Variants in DMD observed in about 807,000 individuals in gnomAD.
The protein encoded by DMD is dystrophin.
A neutral mutation model predicts 330.1 loss-of-function variants in DMD; 63 were observed. That is an observed-to-expected ratio of 0.19 (90% CI 0.16 to 0.24). DMD has a LOEUF of 0.24. Ranked by LOEUF, DMD falls within the 10% of genes least tolerant of loss-of-function variation. The pLI is 1.00. For synonymous variants in DMD, 1,223 were observed against 959.8 expected (o/e 1.27, Z -5.07); for missense variants, 3,344 against 2,684.1 (o/e 1.25, Z -5.43).
At chrX:32,982,543 C>T (rs1213359490) in intron 2 of DMD, among the ~76,000 whole-genome samples, 1 of 111,636 alleles carries the variant, frequency 9.0e-6, no homozygotes, top group East Asian at 2.8e-4. Flanking sequence ...TTTTTCCCTT[C>T]CTCTTCCCAC....
intron 62 of DMD, among the ~76,000 whole-genome samples, chrX:31,295,983 CTTTTTT>C (rs150166970): frequency 3.2e-5 from 3 of 92,911 alleles, no homozygotes. Flanking sequence ...CAAAAAGTGA[CTTTTTT>C]TTTTTTTTTT....
chrX:32,700,192 G>C (rs754183929), intron 7 of DMD, among the ~76,000 whole-genome samples: 1 of 111,340 alleles, frequency 9.0e-6, no homozygotes, highest in East Asian at 2.8e-4. Context: ...TAACACATAA[G>C]TTCTGACTAT....
intron 1 of DMD, among the ~76,000 whole-genome samples, chrX:33,168,997 T>C (rs1228772695): frequency 2.1e-4 from 4 of 19,237 alleles, no homozygotes; most frequent in Non-Finnish European, 1.0e-3. Flanking sequence ...AGAAGATAGG[T>C]TTTTTTTTTT....
intron 3 of DMD, 43 bp from the exon 4 acceptor site, chrX:32,844,903 C>T: frequency 3.9e-6 from 4 of 1,022,768 alleles, no homozygotes; most frequent in Non-Finnish European, 5.5e-6. Context: ...AGCAGAGAGA[C>T]CGACAATCTA....
intron 1 of DMD, among the ~76,000 whole-genome samples, chrX:33,097,655 G>A (rs1017203609): frequency 2.5e-5 from 2 of 79,949 alleles, no homozygotes; most frequent in East Asian, 4.3e-4. Context: ...TCACTCTGTC[G>A]CCCAGCCTGG....
At chrX:32,733,582 T>A (rs754154180) in intron 7 of DMD, among the ~76,000 whole-genome samples, 6,631 of 111,149 alleles carry the variant, frequency 0.06, 476 homozygotes, top group African/African-American at 0.21. Flanking sequence ...CACAGTGCAA[T>A]CAAACTAGAA....
At chrX:31,428,182 G>T (rs1033056085) in intron 60 of DMD, among the ~76,000 whole-genome samples, 1 of 111,749 alleles carries the variant, frequency 8.9e-6, no homozygotes. Context: ...GGGGCCCGGT[G>T]GGGGAGACTG....
intron 2 of DMD, among the ~76,000 whole-genome samples, chrX:32,941,782 T>C (rs936913373): frequency 1.8e-5 from 2 of 110,258 alleles, no homozygotes; most frequent in Non-Finnish European, 3.8e-5. Flanking sequence ...CCATAAGGAG[T>C]TGAAAACTGG....
At chrX:31,347,074 A>G (rs989368690) in intron 61 of DMD, among the ~76,000 whole-genome samples, 3 of 101,395 alleles carry the variant, frequency 3.0e-5, no homozygotes, top group African/African-American at 1.1e-4. Flanking sequence ...AAATGCCCAT[A>G]GGCTGAGGTT....
intron 44 of DMD, among the ~76,000 whole-genome samples, chrX:32,130,243 T>C (rs993150999): frequency 4.5e-5 from 5 of 111,864 alleles, no homozygotes; most frequent in African/African-American, 1.6e-4. Context: ...TTTTGCTACA[T>C]ATACTTTTGG....
At chrX:32,959,539 C>T (rs888587112) in intron 2 of DMD, among the ~76,000 whole-genome samples, 1 of 111,199 alleles carries the variant, frequency 9.0e-6, no homozygotes, top group East Asian at 2.8e-4. Flanking sequence ...CCTTCAATAT[C>T]GGGCTACATC....
intron 55 of DMD, among the ~76,000 whole-genome samples, chrX:31,537,233 A>G (rs980451237): frequency 8.1e-5 from 9 of 111,570 alleles, no homozygotes; most frequent in African/African-American, 2.9e-4. Flanking sequence ...CTTTTTCTTG[A>G]AAACCTCTCT....
chrX:33,146,377 T>A lies in DMD; in HGVS notation c.31+64905A>T, dbSNP rs186589612. Among the ~76,000 whole-genome samples, 394 of 111,947 alleles carry A rather than the reference T, an allele frequency of 3.5e-3. 1 individual carries two copies. Among genetic ancestry groups the A allele is most frequent in the African/African-American group, 0.012 (375 of 30,838 alleles). ...ATAATTTAAAAAATTTCATAATTTT[T>A]AAATTTTTATAAGTTGAAGGTATTA... On this transcript the variant is annotated intron_variant, in intron 1 of 78. Coordinates refer to ENST00000357033, the MANE Select transcript of DMD (RefSeq NM_004006.3).
intron 9 of DMD, among the ~76,000 whole-genome samples, chrX:32,655,700 C>T (rs2060515184): frequency 9.0e-6 from 1 of 111,505 alleles, no homozygotes; most frequent in Admixed American, 9.6e-5. Flanking sequence ...TCCTTGTTGA[C>T]ATTCTGTCTC....
chrX:32,191,287 C>T (rs895567180), intron 44 of DMD, among the ~76,000 whole-genome samples: 1 of 111,891 alleles, frequency 8.9e-6, no homozygotes, highest in African/African-American at 3.2e-5. Context: ...TTGAAGACAA[C>T]TATCATCTCT....
chrX:32,287,995 C>T (rs2097450114), intron 42 of DMD, among the ~76,000 whole-genome samples: 1 of 110,483 alleles, frequency 9.1e-6, no homozygotes. Flanking sequence ...CCTTCTCATC[C>T]TGATCTTAAT....
chrX:32,734,958 A>G (rs2068239734), intron 7 of DMD, among the ~76,000 whole-genome samples: 1 of 109,390 alleles, frequency 9.1e-6, no homozygotes, highest in Non-Finnish European at 1.9e-5. Flanking sequence ...TCAATTAGGA[A>G]AAGAGAAAGT....
At chrX:32,711,093 T>A (rs1357640366) in intron 7 of DMD, among the ~76,000 whole-genome samples, 2 of 111,926 alleles carry the variant, frequency 1.8e-5, no homozygotes, top group Non-Finnish European at 3.8e-5. Flanking sequence ...TTGCGTAGAA[T>A]CTTACTGCTA....
At chrX:33,003,813 CAT>C (rs771408876) in intron 2 of DMD, among the ~76,000 whole-genome samples, 1 of 112,285 alleles carries the variant, frequency 8.9e-6, no homozygotes, top group Non-Finnish European at 1.9e-5. Context: ...AATGTATGCA[CAT>C]ATTATATAGT....
Sources: allele counts gnomAD v4.1 joint callset (sites outside exome capture counted in the v4.1 genomes callset), GRCh38; gene constraint gnomAD v4.1.1; transcripts MANE v1.5; gene names NCBI Gene and HGNC (gene_info 2026-07-23, HGNC 2026-07-21).